AGAP1: variants seen among roughly 807,000 people sequenced by gnomAD.
AGAP1 encodes the protein ArfGAP with GTPase domain, ankyrin repeat and PH domain 1, also known as arf-GAP with GTPase, ANK repeat and PH domain-containing protein 1.
In AGAP1, 29 loss-of-function variants were observed where a neutral mutation model predicts 105.3. The observed-to-expected ratio is 0.28, with a 90% confidence interval of 0.21 to 0.38. AGAP1 has a LOEUF of 0.38. Ranked by LOEUF, AGAP1 falls within the 10% of genes least tolerant of loss-of-function variation. The pLI is 1.00. For synonymous variants in AGAP1, 509 were observed against 485.9 expected, an observed-to-expected ratio of 1.05 and a Z score of -0.63; for missense variants, 998 against 1,165.1, an observed-to-expected ratio of 0.86 and a Z score of 2.09.
At chr2:235,997,734 T>C (rs1448298037) in intron 13 of AGAP1, among the ~76,000 whole-genome samples, 6 of 152,212 alleles carry the variant, frequency 3.9e-5, no homozygotes, top group African/African-American at 1.2e-4. Context: ...CTTTTTTTTT[T>C]CCTAACTAAA....
intron 1 of AGAP1, among the ~76,000 whole-genome samples, chr2:235,671,637 C>T (rs1225586044): frequency 6.6e-6 from 1 of 152,162 alleles, no homozygotes; most frequent in Non-Finnish European, 1.5e-5. Context: ...GACGGAGGCC[C>T]CTCTCTCCAC....
At chr2:236,099,017 A>G (rs997856641) in intron 16 of AGAP1, among the ~76,000 whole-genome samples, 13 of 152,020 alleles carry the variant, frequency 8.6e-5, no homozygotes, top group African/African-American at 3.1e-4. Flanking sequence ...GGCTAGTCCT[A>G]GGAGCAGACT....
intron 1 of AGAP1, among the ~76,000 whole-genome samples, chr2:235,672,427 T>TA (rs1312123267): frequency 2.0e-5 from 3 of 152,238 alleles, no homozygotes; most frequent in African/African-American, 7.2e-5. Flanking sequence ...TTGCCACACT[T>TA]ATGTTTAGCT....
chr2:235,563,279 G>GC (rs1014700443), intron 1 of AGAP1, among the ~76,000 whole-genome samples: 15 of 151,998 alleles, frequency 9.9e-5, no homozygotes, highest in Admixed American at 5.2e-4. Context: ...TTTCCGTCCT[G>GC]CCCCCCTTTG....
At chr2:235,512,909 A>G (rs1942210767) in intron 1 of AGAP1, among the ~76,000 whole-genome samples, 2 of 152,242 alleles carry the variant, frequency 1.3e-5, no homozygotes, top group Admixed American at 6.5e-5. Context: ...ACACTGTGCC[A>G]TTAATGCTCG....
At chr2:235,764,613 G>A (rs982734434) in intron 6 of AGAP1, among the ~76,000 whole-genome samples, 4 of 152,182 alleles carry the variant, frequency 2.6e-5, no homozygotes, top group South Asian at 2.1e-4. Flanking sequence ...GTCCTGAGTC[G>A]GCTCGGCTGC....
chr2:235,757,461 A>C (rs891497442), intron 6 of AGAP1, among the ~76,000 whole-genome samples: 4 of 152,224 alleles, frequency 2.6e-5, no homozygotes, highest in African/African-American at 9.6e-5. Context: ...CACGCTGTGT[A>C]CATCGTCCTG....
chr2:235,839,557 C>T (rs963607002), intron 9 of AGAP1, among the ~76,000 whole-genome samples: 1 of 152,192 alleles, frequency 6.6e-6, no homozygotes, highest in Non-Finnish European at 1.5e-5. Context: ...TGCTGCACTC[C>T]AGCCTGGGCG....
In AGAP1 at chr2:235,891,534, A is replaced by G. The variant is rs1331187502; in HGVS notation, c.1155+8085A>G. Among the ~76,000 whole-genome samples the G allele has an allele frequency of 6.6e-6, 1 of 152,128 alleles. No homozygotes were observed. Among genetic ancestry groups the G allele is most frequent in the South Asian group, 2.1e-4 (1 of 4,830 alleles). On this transcript the variant is annotated intron_variant, in intron 10 of 17. Coordinates refer to ENST00000304032, the MANE Select transcript of AGAP1 (RefSeq NM_001037131.3). This position sits in a 1 kb window ranked among gnomAD's most constrained non-coding sequence, Gnocchi z 4.2. The stretch of plus-strand genomic sequence containing the variant: ...ACCTTGATAGAAAAATGGAGGCATA[A>G]TGAGAAAGAACTTGGACCTCAGGGC...
At chr2:235,791,249 A>C (rs960271101) in intron 6 of AGAP1, among the ~76,000 whole-genome samples, 10 of 152,080 alleles carry the variant, frequency 6.6e-5, no homozygotes, top group African/African-American at 2.4e-4. Flanking sequence ...TTTCTTCTTA[A>C]TAAGATAGTT....
At position 235,769,369 on chromosome 2, in the gene AGAP1, G is replaced by C. The variant is rs1177198417; in HGVS notation, c.673+18881G>C. ...AGTTTTCTTTTTCCTCCAGTGGCAA[G>C]GTTTGCGTGGTCTTCACTCTTTTGC... On this transcript the variant is annotated intron_variant, in intron 6 of 17. Coordinates refer to ENST00000304032, the MANE Select transcript of AGAP1 (RefSeq NM_001037131.3). This position sits in a 1 kb window ranked among gnomAD's most constrained non-coding sequence, Gnocchi z 4.4. 6.6e-6 allele frequency among the ~76,000 whole-genome samples: 1 copy of C among 152,214 alleles called. No homozygotes were observed. Among genetic ancestry groups the C allele is most frequent in the Non-Finnish European group, 1.5e-5 (1 of 68,046 alleles).
At position 236,000,667 on chromosome 2, in the gene AGAP1, G is replaced by A. The variant is rs1439146480; in HGVS notation, c.1645+32044G>A. The stretch of plus-strand genomic sequence containing the variant: ...ACTTCCCTGCAGGGAGGTGCACAGT[G>A]AAGAATAAAACACAGGTGATTTCAG... On this transcript the variant is annotated intron_variant, in intron 13 of 17. Coordinates refer to ENST00000304032, the MANE Select transcript of AGAP1 (RefSeq NM_001037131.3). This position sits in a 1 kb window ranked among gnomAD's most constrained non-coding sequence, Gnocchi z 4.3. Among the ~76,000 whole-genome samples the A allele has an allele frequency of 6.6e-6, 1 of 152,244 alleles. No homozygotes were observed. Among genetic ancestry groups the A allele is most frequent in the East Asian group, 1.9e-4 (1 of 5,194 alleles).
chr2:235,803,470 C>T (rs1016020201), intron 8 of AGAP1, among the ~76,000 whole-genome samples: 1 of 152,124 alleles, frequency 6.6e-6, no homozygotes, highest in African/African-American at 2.4e-5. Flanking sequence ...AGTGTCTAGT[C>T]AGAGGACAGA....
chr2:235,687,420 C>T (rs1450727039), intron 1 of AGAP1, among the ~76,000 whole-genome samples: 1 of 152,200 alleles, frequency 6.6e-6, no homozygotes, highest in Non-Finnish European at 1.5e-5. Flanking sequence ...CATCCCTCTG[C>T]AGACCTTTGA....
Position 235,569,780 on chromosome 2 carries a change from G to GT in AGAP1, c.163+74936dup, listed in dbSNP as rs1944459667. On this transcript the variant is annotated intron_variant, in intron 1 of 17. Transcript: ENST00000304032. This position sits in a 1 kb window ranked among gnomAD's most constrained non-coding sequence, Gnocchi z 5.9. ...AGGTTCTGAGACCGAGCCTTGGGTA[G>GT]TTTTTATTTCTTAGGCTCTCTGGAG... 6.6e-6 allele frequency among the ~76,000 whole-genome samples: 1 copy of GT among 152,226 alleles called. No homozygotes were observed. Among genetic ancestry groups the GT allele is most frequent in the African/African-American group, 2.4e-5 (1 of 41,452 alleles).
At chr2:235,545,610 C>G (rs1354854908) in intron 1 of AGAP1, among the ~76,000 whole-genome samples, 1 of 152,194 alleles carries the variant, frequency 6.6e-6, no homozygotes, top group Non-Finnish European at 1.5e-5. Flanking sequence ...GCGTCACTGC[C>G]CTTAGTGGAG....
chr2:235,606,488 C>G (rs1945942070), intron 1 of AGAP1, among the ~76,000 whole-genome samples: 1 of 152,178 alleles, frequency 6.6e-6, no homozygotes, highest in Non-Finnish European at 1.5e-5. Flanking sequence ...TTTGGAATGT[C>G]TAGTATCACA....
chr2:235,794,890 G>A (rs1007192815), intron 6 of AGAP1, among the ~76,000 whole-genome samples: 8 of 152,012 alleles, frequency 5.3e-5, no homozygotes, highest in African/African-American at 1.2e-4. Flanking sequence ...TTGAACATAC[G>A]TATTTATATG....
intron 1 of AGAP1, among the ~76,000 whole-genome samples, chr2:235,653,046 AAGGATAAGAGGGT>A (rs1235477387): frequency 6.6e-6 from 1 of 152,148 alleles, no homozygotes; most frequent in African/African-American, 2.4e-5. Flanking sequence ...CTGCACCGGG[AAGGATAAGAGGGT>A]AGGCTTTGCT....
Sources: gnomAD v4.1 joint callset for allele counts (sites outside exome capture counted in the v4.1 genomes callset) on GRCh38, gnomAD v4.1.1 for gene constraint, Gnocchi (gnomAD v3.1) non-coding constraint, MANE v1.5 for transcripts, NCBI Gene and HGNC (gene_info 2026-07-23, HGNC 2026-07-21) for gene names.